Variants in DZANK1 observed in about 807,000 individuals in gnomAD.
DZANK1 encodes double zinc ribbon and ankyrin repeat domains 1.
A neutral mutation model predicts 94.5 loss-of-function variants in DZANK1; 91 were observed. That is an observed-to-expected ratio of 0.96 (90% CI 0.81 to 1.15). The LOEUF (loss-of-function observed/expected upper bound fraction) is 1.15. Ranked by LOEUF, DZANK1 falls within the 50% of genes most tolerant of loss-of-function variation. DZANK1 has a pLI of 0.00. For synonymous variants in DZANK1, 312 were observed against 325.3 expected (o/e 0.96, Z 0.44); for missense variants, 903 against 916.4 (o/e 0.99, Z 0.19).
chr20:18,456,600 C>T (rs1307552653), intron 3 of DZANK1, among the ~76,000 whole-genome samples: 1 of 152,176 alleles, frequency 6.6e-6, no homozygotes, highest in Non-Finnish European at 1.5e-5. Flanking sequence ...CCTAGGCAAC[C>T]ACTGATCTGT....
At chr20:18,431,142 T>C (rs1290500770) in intron 9 of DZANK1, among the ~76,000 whole-genome samples, 1 of 152,110 alleles carries the variant, frequency 6.6e-6, no homozygotes, top group East Asian at 1.9e-4. Context: ...AATAAATAAG[T>C]TGTAAAATCT....
At chr20:18,449,021 C>T (rs772433163) in exon 7 of DZANK1, 4 of 1,613,940 alleles carry the variant, frequency 2.5e-6, no homozygotes, top group South Asian at 2.2e-5. Context: ...CTCATTATCT[C>T]CGTGCTTGTC....
intron 19 of DZANK1, among the ~76,000 whole-genome samples, chr20:18,385,422 C>CT (rs1031760984): frequency 9.7e-4 from 143 of 147,006 alleles, no homozygotes; most frequent in Middle Eastern, 3.5e-3. Flanking sequence ...TGGACATAGT[C>CT]TTTTTTTTTT....
At chr20:18,392,047 G>T (rs1258648519) in intron 17 of DZANK1, among the ~76,000 whole-genome samples, 1 of 152,118 alleles carries the variant, frequency 6.6e-6, no homozygotes, top group African/African-American at 2.4e-5. Context: ...ACAGTGCCTG[G>T]TACACGTGTG....
chr20:18,434,331 G>A (rs2148627085), intron 8 of DZANK1, among the ~76,000 whole-genome samples: 1 of 152,056 alleles, frequency 6.6e-6, no homozygotes, highest in Non-Finnish European at 1.5e-5. Flanking sequence ...GATCATCTAA[G>A]GTCAGGAGTT....
intron 7 of DZANK1, 75 bp downstream of exon 7, chr20:18,448,909 G>A (rs980436179): frequency 5.2e-5 from 59 of 1,134,782 alleles, no homozygotes; most frequent in Admixed American, 1.4e-4. Flanking sequence ...CAAAAATGTC[G>A]TATCTTTAAA....
At chr20:18,442,367 C>T (rs2058740132) in intron 8 of DZANK1, among the ~76,000 whole-genome samples, 1 of 152,150 alleles carries the variant, frequency 6.6e-6, no homozygotes, top group Non-Finnish European at 1.5e-5. Flanking sequence ...CTTTCACTAA[C>T]ACATTTAGTC....
chr20:18,433,000 A>T (rs2058345131), intron 9 of DZANK1: 1 of 152,228 alleles, frequency 6.6e-6, no homozygotes. Context: ...TAAGGCAAAC[A>T]AAAGTATGAG....
intron 13 of DZANK1, among the ~76,000 whole-genome samples, chr20:18,399,284 A>G (rs2056535441): frequency 6.6e-6 from 1 of 152,122 alleles, no homozygotes. Flanking sequence ...GCTAGAGTAC[A>G]ATGGTGTGAT....
At chr20:18,405,066 TGCACCTTTA>T (rs1337486317) in intron 13 of DZANK1, among the ~76,000 whole-genome samples, 1 of 151,908 alleles carries the variant, frequency 6.6e-6, no homozygotes, top group Admixed American at 6.6e-5. Context: ...CATGATGGTG[TGCACCTTTA>T]GTCCCAGTTG....
chr20:18,405,956 C>T (rs1168858301), intron 13 of DZANK1, among the ~76,000 whole-genome samples: 1 of 152,198 alleles, frequency 6.6e-6, no homozygotes, highest in Non-Finnish European at 1.5e-5. Context: ...AAAATAAAGC[C>T]GTGCTGGGCT....
At chr20:18,452,071 GTTT>G (rs11470327) in intron 6 of DZANK1, 4,641 of 297,796 alleles carry the variant, frequency 0.016, no homozygotes, top group South Asian at 0.023. Context: ...TTTAGGGGTG[GTTT>G]TTTTTTTTTT....
intron 2 of DZANK1, among the ~76,000 whole-genome samples, chr20:18,464,664 G>A (rs570340525): frequency 8.8e-5 from 13 of 148,260 alleles, no homozygotes; most frequent in African/African-American, 3.0e-4. Context: ...GGGAGCACCG[G>A]GACTTTTTTT....
intron 13 of DZANK1, among the ~76,000 whole-genome samples, chr20:18,404,471 T>G (rs558926380): frequency 6.6e-6 from 1 of 152,070 alleles, no homozygotes; most frequent in South Asian, 2.1e-4. Flanking sequence ...GGGGGTGAAA[T>G]AGAGTTCACT....
Position 18,441,653 on chromosome 20 carries a change from C to T in DZANK1, c.747+1694G>A, listed in dbSNP as rs938982879. On this transcript the variant is annotated intron_variant, in intron 8 of 20. Coordinates refer to ENST00000262547, the Ensembl canonical transcript of DZANK1. This position sits in a 1 kb window ranked among gnomAD's most constrained non-coding sequence, Gnocchi z 4.1. ...TGAATTGAGTGTGGTTGTCACCCAC[C>T]GGATGGCAGAGAAGTTCACTGAGGT... Among the ~76,000 whole-genome samples the T allele has an allele frequency of 6.6e-6, 1 of 152,152 alleles. No homozygotes were observed. Among genetic ancestry groups the T allele is most frequent in the African/African-American group, 2.4e-5 (1 of 41,422 alleles).
exon 21 of DZANK1, chr20:18,384,343 G>A: frequency 3.9e-6 from 6 of 1,522,224 alleles, no homozygotes; most frequent in Non-Finnish European, 5.3e-6. Context: ...ACAGGCGTAA[G>A]CCACTGTGCC....
chr20:18,419,842 A>G (rs2057687811), intron 10 of DZANK1, among the ~76,000 whole-genome samples: 1 of 151,906 alleles, frequency 6.6e-6, no homozygotes, highest in South Asian at 2.1e-4. Context: ...GTCCACAGAG[A>G]AGAGTAAAGA....
At chr20:18,384,616 C>T in intron 20 of DZANK1, 52 bp from the exon 21 acceptor site, 1 of 1,511,174 alleles carries the variant, frequency 6.6e-7, no homozygotes, top group South Asian at 1.3e-5. Flanking sequence ...GAACATGTGA[C>T]CCTAAGAGCT....
At chr20:18,398,934 C>G (rs1404212940) in intron 13 of DZANK1, among the ~76,000 whole-genome samples, 1 of 151,816 alleles carries the variant, frequency 6.6e-6, no homozygotes, top group Non-Finnish European at 1.5e-5. Flanking sequence ...AAGTTCGAGA[C>G]CAGCCTGGCC....
Sources: allele counts gnomAD v4.1 joint callset (sites outside exome capture counted in the v4.1 genomes callset), GRCh38; gene constraint gnomAD v4.1.1; non-coding constraint Gnocchi (gnomAD v3.1); transcripts MANE v1.5; gene names NCBI Gene and HGNC (gene_info 2026-07-23, HGNC 2026-07-21).